Variants in ADCY2 observed in about 807,000 individuals in gnomAD.
ADCY2 encodes adenylate cyclase 2.
In ADCY2, 31 loss-of-function variants were observed where a neutral mutation model predicts 125.2. That is an observed-to-expected ratio of 0.25 (90% CI 0.19 to 0.33). The LOEUF (loss-of-function observed/expected upper bound fraction) is 0.33, where lower values mean the gene tolerates loss of function less well. ADCY2 is among the 10% of genes least tolerant of loss of function. The probability of loss-of-function intolerance (pLI) is 1.00; values close to 1 mark genes in which losing one functional copy is unlikely to be tolerated. For missense variants in ADCY2, 904 were observed against 1,418.2 expected, an observed-to-expected ratio of 0.64 and a Z score of 5.82; for synonymous variants, 512 against 548.4, an observed-to-expected ratio of 0.93 and a Z score of 0.93.
chr5:7,600,205 G>A (rs1305919430), intron 3 of ADCY2, among the ~76,000 whole-genome samples: 1 of 152,216 alleles, frequency 6.6e-6, no homozygotes, highest in African/African-American at 2.4e-5. Flanking sequence ...AAGGCATGGA[G>A]TGGAATCTGG....
intron 22 of ADCY2, among the ~76,000 whole-genome samples, chr5:7,816,484 C>A (rs1303653731): frequency 6.6e-6 from 1 of 152,214 alleles, no homozygotes; most frequent in Non-Finnish European, 1.5e-5. Flanking sequence ...AGAGCCAGAG[C>A]CCCGCAGAGA....
intron 4 of ADCY2, among the ~76,000 whole-genome samples, chr5:7,662,319 G>A (rs1293989607): frequency 6.6e-6 from 1 of 152,220 alleles, no homozygotes; most frequent in East Asian, 1.9e-4. Context: ...AGGGACCATT[G>A]GCGAATATAC....
chr5:7,501,975 G>A (rs774854325), intron 2 of ADCY2, among the ~76,000 whole-genome samples: 3 of 152,064 alleles, frequency 2.0e-5, no homozygotes, highest in Non-Finnish European at 2.9e-5. Context: ...TACTATTCAC[G>A]ATCAATGGGA....
rs1244522595 is a variant in ADCY2 at position 7,773,510 on chromosome 5, C to T, written c.2384+409C>T. On this transcript the variant is annotated intron_variant, in intron 18 of 24. Transcript: ENST00000338316. ...TGAATGCCAGTCAGAGTCTCTTCTG[C>T]CCCAAGTCATGACAACTGAAAATGT... 2.0e-5 allele frequency among the ~76,000 whole-genome samples: 3 copies of T among 152,092 alleles called. No homozygotes were observed. The East Asian group carries it at 5.8e-4, about 29-fold the overall frequency.
At position 7,557,592 on chromosome 5, in the gene ADCY2, C is replaced by T. The variant is rs189229718; in HGVS notation, c.570+36693C>T. ...TTTGTGTCCATGTGTTCTCATTTAG[C>T]TCTCAGTTATAAGTGAGAGCATGAG... On this transcript the variant is annotated intron_variant, in intron 3 of 24. Coordinates refer to ENST00000338316, the MANE Select transcript of ADCY2 (RefSeq NM_020546.3). Among the ~76,000 whole-genome samples, 10 of 152,252 alleles carry T rather than the reference C, an allele frequency of 6.6e-5. No individual in the cohort carries two copies. In the East Asian group the frequency reaches 1.9e-3, roughly 29 times the overall value.
intron 4 of ADCY2, among the ~76,000 whole-genome samples, chr5:7,676,962 G>A (rs1008221774): frequency 3.3e-5 from 5 of 152,100 alleles, no homozygotes; most frequent in Non-Finnish European, 5.9e-5. Context: ...GAGGACCTGA[G>A]CCCCCAGATT....
At chr5:7,497,913 G>A (rs986098187) in intron 2 of ADCY2, among the ~76,000 whole-genome samples, 5 of 152,040 alleles carry the variant, frequency 3.3e-5, no homozygotes, top group Non-Finnish European at 7.4e-5. Context: ...TAGACAAAAG[G>A]ACTTAGGGTG....
chr5:7,551,032 C>CCCTCCCTT (rs1735319755), intron 3 of ADCY2, among the ~76,000 whole-genome samples: 1 of 146,240 alleles, frequency 6.8e-6, no homozygotes, highest in Non-Finnish European at 1.5e-5. Flanking sequence ...CTCCCTCCCT[C>CCCTCCCTT]CCTTCCTCCC....
intron 24 of ADCY2, among the ~76,000 whole-genome samples, chr5:7,823,393 T>C (rs1036060227): frequency 6.6e-6 from 1 of 152,210 alleles, no homozygotes; most frequent in Non-Finnish European, 1.5e-5. Context: ...CTCTTCTCCC[T>C]GGGGCTGGAG....
At chr5:7,720,137 A>G (rs1428689434) in intron 12 of ADCY2, among the ~76,000 whole-genome samples, 1 of 152,134 alleles carries the variant, frequency 6.6e-6, no homozygotes, top group Non-Finnish European at 1.5e-5. Context: ...GAGGCCCTAA[A>G]TCAAGCACAC....
At chr5:7,675,127 C>T (rs1329992635) in intron 4 of ADCY2, among the ~76,000 whole-genome samples, 13 of 148,886 alleles carry the variant, frequency 8.7e-5, no homozygotes, top group East Asian at 5.9e-4. Flanking sequence ...CACTGCAGTC[C>T]GGCCTGGGTG....
chr5:7,466,374 C>T (rs552398654), intron 2 of ADCY2, among the ~76,000 whole-genome samples: 3 of 152,200 alleles, frequency 2.0e-5, no homozygotes, highest in Non-Finnish European at 2.9e-5. Flanking sequence ...CCAACCCACC[C>T]TAGATCCCTT....
chr5:7,695,667 G>T (rs771546545), intron 5 of ADCY2, 85 bp from the exon 6 acceptor site: 156 of 761,148 alleles, frequency 2.0e-4, no homozygotes, highest in Middle Eastern at 1.2e-3. Flanking sequence ...AAAATTACAT[G>T]ATTTTAATGG....
At chr5:7,794,347 C>T (rs917491082) in intron 20 of ADCY2, 37 of 152,244 alleles carry the variant, frequency 2.4e-4, no homozygotes, top group Admixed American at 1.9e-3. Flanking sequence ...AAAAGGAGCC[C>T]CCAATCCCCA....
chr5:7,588,049 T>C (rs1279482809), intron 3 of ADCY2, among the ~76,000 whole-genome samples: 1 of 152,164 alleles, frequency 6.6e-6, no homozygotes. Flanking sequence ...CCTGTTATTG[T>C]TACTGCAAAT....
intron 4 of ADCY2, among the ~76,000 whole-genome samples, chr5:7,631,509 G>A (rs1265998015): frequency 6.6e-6 from 1 of 152,160 alleles, no homozygotes; most frequent in Non-Finnish European, 1.5e-5. Flanking sequence ...TTTCTGGTCT[G>A]ATCTCTGGGA....
At chr5:7,407,799 A>G (rs1376901462) in intron 1 of ADCY2, among the ~76,000 whole-genome samples, 1 of 151,858 alleles carries the variant, frequency 6.6e-6, no homozygotes, top group African/African-American at 2.4e-5. Flanking sequence ...TCTGACCATG[A>G]AGACTTGCCT....
chr5:7,446,918 A>G (rs1019020727), intron 2 of ADCY2, among the ~76,000 whole-genome samples: 1 of 152,170 alleles, frequency 6.6e-6, no homozygotes, highest in Non-Finnish European at 1.5e-5. Context: ...TGATAGGACT[A>G]TTGGCTTCCT....
intron 12 of ADCY2, among the ~76,000 whole-genome samples, chr5:7,720,855 A>G (rs958331183): frequency 4.6e-5 from 7 of 152,336 alleles, no homozygotes; most frequent in African/African-American, 1.7e-4. Context: ...CGCAATAAAC[A>G]TACATGTGCA....
Sources: allele counts gnomAD v4.1 joint callset (sites outside exome capture counted in the v4.1 genomes callset), GRCh38; gene constraint gnomAD v4.1.1; transcripts MANE v1.5; gene names NCBI Gene and HGNC (gene_info 2026-07-23, HGNC 2026-07-21).